PLXDC2: variants seen among roughly 807,000 people sequenced by gnomAD.
PLXDC2 encodes the protein plexin domain containing 2, also known as plexin domain-containing protein 2.
A neutral mutation model predicts 68.9 loss-of-function variants in PLXDC2; 40 were observed. The observed-to-expected ratio is 0.58, with a 90% CI of 0.45 to 0.76. The LOEUF (loss-of-function observed/expected upper bound fraction) is 0.76, where lower values mean the gene tolerates loss of function less well. PLXDC2 is among the 30% of genes least tolerant of loss of function. The pLI, the probability that PLXDC2 is intolerant of heterozygous loss-of-function variation, is 0.00. For missense variants in PLXDC2, 644 were observed against 661.9 expected, an observed-to-expected ratio of 0.97 and a Z score of 0.30; for synonymous variants, 243 against 234.2, an observed-to-expected ratio of 1.04 and a Z score of -0.34.
In PLXDC2 at chr10:19,856,755, A is replaced by G. The variant is rs16919435; in HGVS notation, c.112+39564A>G. Among the ~76,000 whole-genome samples the G allele has an allele frequency of 7.0e-3, 1,064 of 152,330 alleles. 55 individuals are homozygous for G. In the East Asian group the frequency reaches 0.15, roughly 21 times the overall value. On this transcript the variant is annotated intron_variant, in intron 1 of 13. Transcript: ENST00000377252. ...GGGGGAAATCAAAACAACTTGTACT[A>G]AAAATTTGAGAGTTCTGAAGACTTT...
At chr10:19,876,084 A>C (rs1837625140) in intron 1 of PLXDC2, among the ~76,000 whole-genome samples, 1 of 152,130 alleles carries the variant, frequency 6.6e-6, no homozygotes, top group Non-Finnish European at 1.5e-5. Flanking sequence ...ACTGGTTCCT[A>C]GTTTATCCTT....
intron 2 of PLXDC2, among the ~76,000 whole-genome samples, chr10:20,011,078 A>G (rs757191602): frequency 6.6e-6 from 1 of 152,198 alleles, no homozygotes; most frequent in Non-Finnish European, 1.5e-5. Context: ...TTCAGCCCCA[A>G]TGTCATAGGT....
At position 20,066,026 on chromosome 10, in the gene PLXDC2, G is replaced by A. The variant is rs147616294; in HGVS notation, c.472-2144G>A. Among the ~76,000 whole-genome samples the A allele has an allele frequency of 2.2e-4, 33 of 152,336 alleles. No individual in the cohort carries two copies. In the East Asian group the frequency reaches 6.4e-3, roughly 29 times the overall value. On this transcript the variant is annotated intron_variant, in intron 3 of 13. Transcript: ENST00000377252. ...TTGCAATGATAGTGACCGATGTTTG[G>A]AGAAGAGTATCAGTAGCGACTGGCA...
intron 1 of PLXDC2, among the ~76,000 whole-genome samples, chr10:19,971,926 G>C (rs933924627): frequency 6.6e-6 from 1 of 152,008 alleles, no homozygotes; most frequent in African/African-American, 2.4e-5. Flanking sequence ...GATCTGATTG[G>C]GCAGGGGCGG....
intron 1 of PLXDC2, among the ~76,000 whole-genome samples, chr10:19,895,411 C>G (rs1838040838): frequency 6.6e-6 from 1 of 151,958 alleles, no homozygotes; most frequent in African/African-American, 2.4e-5. Context: ...TTCCCAGTAG[C>G]CGTATATTTT....
intron 1 of PLXDC2, among the ~76,000 whole-genome samples, chr10:19,943,019 C>T (rs1288819362): frequency 1.3e-5 from 2 of 152,142 alleles, no homozygotes; most frequent in African/African-American, 2.4e-5. Context: ...TGTAATCTCA[C>T]CACTTTAAAA....
intron 1 of PLXDC2, among the ~76,000 whole-genome samples, chr10:19,977,819 G>T (rs1834484655): frequency 6.6e-6 from 1 of 151,948 alleles, no homozygotes; most frequent in East Asian, 1.9e-4. Context: ...CCACCCTTAC[G>T]ACCTAATCTG....
In PLXDC2 at chr10:20,287,939, T is replaced by A. The variant is rs973087072; in HGVS notation, c.*8120T>A. ...ATTCTGTGTGTAGTCATTTGAAATG[T>A]TGAAGTGTGAAAAGAGAAGAAATTG... On this transcript the variant is annotated 3_prime_UTR_variant, in exon 14 of 14. Coordinates refer to ENST00000377252, the MANE Select transcript of PLXDC2 (RefSeq NM_032812.9). 8.6e-6 allele frequency: 1 copy of A among 116,330 alleles called. No homozygotes were observed. The highest frequency in any genetic ancestry group is 3.3e-5 in the African/African-American group (1 of 29,864). 7.2% of individuals were successfully genotyped at this position (116,330 alleles called of 1,614,324 possible). A position where few individuals can be genotyped will look rare whatever the true frequency, so the allele number is the denominator to read the frequency against.
At chr10:19,862,668 G>T (rs1446154996) in intron 1 of PLXDC2, among the ~76,000 whole-genome samples, 1 of 152,174 alleles carries the variant, frequency 6.6e-6, no homozygotes, top group East Asian at 1.9e-4. Flanking sequence ...TACACAACAA[G>T]TATGCAACAG....
At chr10:19,854,275 T>C (rs1837174095) in intron 1 of PLXDC2, among the ~76,000 whole-genome samples, 1 of 152,192 alleles carries the variant, frequency 6.6e-6, no homozygotes, top group African/African-American at 2.4e-5. Flanking sequence ...CCTGAAATGA[T>C]AGCATCTTAA....
chr10:20,247,916 T>G (rs1835622423), intron 13 of PLXDC2, among the ~76,000 whole-genome samples: 1 of 152,196 alleles, frequency 6.6e-6, no homozygotes, highest in South Asian at 2.1e-4. Context: ...CGCATTGCCT[T>G]GAATTGGAAA....
intron 4 of PLXDC2, among the ~76,000 whole-genome samples, chr10:20,136,657 A>G (rs917008142): frequency 6.6e-6 from 1 of 152,256 alleles, no homozygotes; most frequent in Non-Finnish European, 1.5e-5. Context: ...ATTAATATGT[A>G]GAGATAACAG....
rs1209911341 is a variant in PLXDC2 at position 20,284,146 on chromosome 10, C to T, written c.*4327C>T. The stretch of plus-strand genomic sequence containing the variant: ...CTAGATTATCTGGTTCTAATTTCTT[C>T]CTCCTGTGAAATGTTCTTTTGGTTT... On this transcript the variant is annotated 3_prime_UTR_variant, in exon 14 of 14. Transcript: ENST00000377252. 2 of 151,742 alleles carry T rather than the reference C, an allele frequency of 1.3e-5. No individual in the cohort carries two copies. Among genetic ancestry groups the T allele is most frequent in the Non-Finnish European group, 2.9e-5 (2 of 67,974 alleles). The allele number at this position is 151,742 out of a possible 1,614,324, so 9.4% of individuals were successfully genotyped here. A position where few individuals can be genotyped will look rare whatever the true frequency, so the allele number is the denominator to read the frequency against.
rs992896489 is a variant in PLXDC2 at position 20,286,453 on chromosome 10, C to T, written c.*6634C>T. Reference sequence around the variant, plus strand: ...AAAATCTCAGTGGCTTCTCTTCATTCCACGAGAATTTTGATTTTTAACAGC... The same window carrying T: ...AAAATCTCAGTGGCTTCTCTTCATTTCACGAGAATTTTGATTTTTAACAGC... On this transcript the variant is annotated 3_prime_UTR_variant, in exon 14 of 14. Coordinates refer to ENST00000377252, the MANE Select transcript of PLXDC2 (RefSeq NM_032812.9). 1 of 152,090 alleles carries T rather than the reference C, an allele frequency of 6.6e-6. No homozygotes were observed. Among genetic ancestry groups the T allele is most frequent in the African/African-American group, 2.4e-5 (1 of 41,504 alleles). 9.4% of individuals were successfully genotyped at this position (152,090 alleles called of 1,614,324 possible).
intron 4 of PLXDC2, among the ~76,000 whole-genome samples, chr10:20,137,510 C>T (rs528566094): frequency 1.3e-5 from 2 of 152,160 alleles, no homozygotes; most frequent in South Asian, 4.1e-4. Flanking sequence ...TGAAATCTTC[C>T]AATTAAAATA....
At chr10:19,840,035 T>C (rs955059776) in intron 1 of PLXDC2, among the ~76,000 whole-genome samples, 12 of 152,218 alleles carry the variant, frequency 7.9e-5, no homozygotes, top group Non-Finnish European at 1.6e-4. Context: ...TGTGTAATGT[T>C]ACTGGAACCC....
intron 1 of PLXDC2, among the ~76,000 whole-genome samples, chr10:19,919,895 G>A (rs943737793): frequency 6.6e-6 from 1 of 152,186 alleles, no homozygotes; most frequent in Admixed American, 6.5e-5. Flanking sequence ...GTGTGTGAAA[G>A]GCTGTTTGAA....
chr10:19,855,986 T>G (rs2131330575), intron 1 of PLXDC2, among the ~76,000 whole-genome samples: 1 of 152,184 alleles, frequency 6.6e-6, no homozygotes, highest in Non-Finnish European at 1.5e-5. Context: ...TCCCAGCTAC[T>G]TGGGAGGCTG....
chr10:19,955,425 C>G (rs1834054394), intron 1 of PLXDC2, among the ~76,000 whole-genome samples: 2 of 151,982 alleles, frequency 1.3e-5, no homozygotes, highest in South Asian at 4.1e-4. Context: ...GTCTTGATTC[C>G]CCTTTTCATC....
Sources: allele counts gnomAD v4.1 joint callset (sites outside exome capture counted in the v4.1 genomes callset), GRCh38; gene constraint gnomAD v4.1.1; transcripts MANE v1.5; gene names NCBI Gene and HGNC (gene_info 2026-07-23, HGNC 2026-07-21).